SPSB2: variants seen among roughly 807,000 people sequenced by gnomAD.
SPSB2 encodes the protein SPRY domain-containing SOCS box protein 2.
A neutral mutation model predicts 19.2 loss-of-function variants in SPSB2; 25 were observed. The observed-to-expected ratio is 1.30, with a 90% CI of 0.95 to 1.82. The LOEUF is 1.82. SPSB2 is among the 40% of genes most tolerant of loss of function. The pLI, the probability that SPSB2 is intolerant of heterozygous loss-of-function variation, is 0.00. For missense variants in SPSB2, 413 were observed against 344.9 expected, an observed-to-expected ratio of 1.20 and a Z score of -1.56; for synonymous variants, 153 against 154.9, an observed-to-expected ratio of 0.99 and a Z score of 0.09.
At position 6,871,060 on chromosome 12, in the gene SPSB2, C is replaced by A; in HGVS notation, c.*132G>T. 8.3e-7 allele frequency: 1 copy of A among 1,201,468 alleles called. No individual in the cohort carries two copies. Among genetic ancestry groups the A allele is most frequent in the South Asian group, 1.4e-5 (1 of 71,704 alleles). 74.4% of individuals were successfully genotyped at this position (1,201,468 alleles called of 1,614,324 possible). On this transcript the variant is annotated 3_prime_UTR_variant, in exon 3 of 3. Transcript: ENST00000524270. ...GTGGCTCTGGGGCTGTTGATTTCCG[C>A]AGAGCTTGGGTTGGGGTAGGGGCTC...
Position 6,872,281 on chromosome 12 carries a change from C to T in SPSB2, c.621G>A (p.Trp207Ter). 1 of 1,614,178 alleles carries T rather than the reference C, an allele frequency of 6.2e-7. No homozygotes were observed. Among genetic ancestry groups the T allele is most frequent in the Non-Finnish European group, 8.5e-7 (1 of 1,180,030 alleles). ...AGCGGATGCGGACCTGGCACTGGCCCCAGACAGCGCTTACTGCCGGATAGA... is the reference window on the plus strand; with the variant it reads ...AGCGGATGCGGACCTGGCACTGGCCTCAGACAGCGCTTACTGCCGGATAGA... ...RTLYPAVSAV[W>*]GQCQVRIRYL... The change falls in exon 2 of 3, where the codon TGG becomes TGA. Residue 207 changes from tryptophan (W) to a stop codon, truncating the protein, a stop_gained. Coordinates refer to ENST00000524270, the MANE Select transcript of SPSB2 (RefSeq NM_032641.4). LOFTEE classifies it high-confidence loss of function.
In SPSB2 at chr12:6,872,851, C is replaced by G. The variant is rs1944627605; in HGVS notation, c.51G>C (p.Gln17His). ...GACAGGAGAGGTCAGGGTACAGGGC[C>G]TGTGGCGTGGGGGTGCTGCTGCTGC... ...AGGSSSTPTP[Q>H]ALYPDLSCPE... is the part of the protein sequence containing the mutation. The change falls in exon 2 of 3, where the codon CAG becomes CAC. Residue 17 changes from glutamine to histidine, a missense_variant. Gln to His is a conservative substitution (Grantham distance 24). Transcript: ENST00000524270. The G allele has an allele frequency of 6.2e-7, 1 of 1,603,038 alleles. No homozygotes were observed. The highest frequency in any genetic ancestry group is 8.5e-7 in the Non-Finnish European group (1 of 1,173,176).
Position 6,872,825 on chromosome 12 carries a change from G to T in SPSB2, c.77C>A (p.Pro26His). ...AGACAGCAGCTCTTCCAAGCCCTCG[G>T]GACAGGAGAGGTCAGGGTACAGGGC... ...PQALYPDLSC[P>H]EGLEELLSAP... Residue 26 changes from proline (P) to histidine (H), a missense_variant, in exon 2 of 3, where the codon CCC becomes CAC. Transcript: ENST00000524270. 1.2e-6 allele frequency: 2 copies of T among 1,611,672 alleles called. No individual in the cohort carries two copies. Among genetic ancestry groups the T allele is most frequent in the Non-Finnish European group, 1.7e-6 (2 of 1,180,006 alleles).
chr12:6,872,168 G>T lies in SPSB2; in HGVS notation c.664+70C>A. 8 of 1,613,380 alleles carry T rather than the reference G, an allele frequency of 5.0e-6. 1 individual carries two copies. Among genetic ancestry groups the T allele is most frequent in the South Asian group, 1.1e-5 (1 of 91,080 alleles). ...AGGTCCATCCCCTCTGCTCTTGTCA[G>T]AAGAGTTTCCATCCCAAACCACTGC... is the stretch of plus-strand genomic sequence containing the variant. On this transcript the variant is annotated intron_variant, in intron 2 of 2. Coordinates refer to ENST00000524270, the MANE Select transcript of SPSB2 (RefSeq NM_032641.4).
At chr12:6,871,385 G>A (rs1368481476) in intron 2 of SPSB2, 66 bp from the exon 3 acceptor site, 26 of 1,548,988 alleles carry the variant, frequency 1.7e-5, no homozygotes, top group South Asian at 2.4e-5. Flanking sequence ...CTCAAACTAC[G>A]GGGTCCTACT....
chr12:6,871,624 A>G lies in SPSB2; in HGVS notation c.665-305T>C. 3 of 467,444 alleles carry G rather than the reference A, an allele frequency of 6.4e-6. 1 individual carries two copies. The South Asian group carries it at 7.6e-5, about 12-fold the overall frequency. The allele number at this position is 467,444 out of a possible 1,614,324, so 29.0% of individuals were successfully genotyped here. On this transcript the variant is annotated intron_variant, in intron 2 of 2. Coordinates refer to ENST00000524270, the MANE Select transcript of SPSB2 (RefSeq NM_032641.4). The stretch of plus-strand genomic sequence containing the variant: ...CTTGGGAGCTGGGGCTGAGGTGAGG[A>G]GGGATGGCCCTCCACTCTACAGCCC...
intron 2 of SPSB2, 25 bp from the exon 3 acceptor site, chr12:6,871,344 T>TAAGTATGGGTGCAGCCACCAGCC: frequency 6.2e-7 from 1 of 1,604,316 alleles, no homozygotes; most frequent in Non-Finnish European, 8.5e-7. Flanking sequence ...GAGGGGAATG[T>TAAGTATGGGTGCAGCCACCAGCC]AAGTATGGGT....
chr12:6,871,697 G>C, intron 2 of SPSB2: 1 of 341,546 alleles, frequency 2.9e-6, no homozygotes, highest in Non-Finnish European at 5.4e-6. Context: ...GTCAGTTCCT[G>C]GGGAGGCTCC....
intron 2 of SPSB2, chr12:6,871,990 C>T: frequency 2.1e-6 from 3 of 1,454,122 alleles, no homozygotes; most frequent in Admixed American, 2.8e-5. Context: ...TCCCTCCATT[C>T]TGAAGGTTCA....
In SPSB2 at chr12:6,872,801, GA is replaced by G. The variant is rs1944626358; in HGVS notation, c.100del (p.Ser34LeufsTer64). The G allele has an allele frequency of 1.5e-5, 24 of 1,612,062 alleles. No homozygotes were observed. In the South Asian group the frequency reaches 1.6e-4, roughly 11 times the overall value. Reference sequence around the variant, plus strand: ...GGCCCCCAGGTCAGGAGGGGGTGCAGACAGCAGCTCTTCCAAGCCCTCGGGA... The same window carrying G: ...GGCCCCCAGGTCAGGAGGGGGTGCAGCAGCAGCTCTTCCAAGCCCTCGGGA... ...SCPEGLEELL[S>X]APPPDLGAQR... On this transcript the variant is annotated frameshift_variant, in exon 2 of 3. Transcript: ENST00000524270. LOFTEE classifies it high-confidence loss of function.
rs782075236 is a variant in SPSB2, at chr12:6,871,207, G to T, written c.777C>A (p.Tyr259Ter). ...ALPLPPAMKRYLLYQ is the reference protein window; with the variant it reads ...ALPLPPAMKR ...ATCACAGGGCTCACTGGTAGAGCAG[G>T]TAGCGCTTCATGGCAGGGGGCAAGG... Residue 259 changes from tyrosine to a stop codon, truncating the protein, a stop_gained, in exon 3 of 3, where the codon TAC becomes TAA. Coordinates refer to ENST00000524270, the MANE Select transcript of SPSB2 (RefSeq NM_032641.4). LOFTEE classifies it high-confidence loss of function. The T allele has an allele frequency of 2.6e-5, 41 of 1,605,098 alleles. No homozygotes were observed. Among genetic ancestry groups the T allele is most frequent in the Non-Finnish European group, 3.3e-5 (39 of 1,175,888 alleles).
chr12:6,873,299 G>A lies in SPSB2; in HGVS notation c.-150C>T, dbSNP rs564087775. 22 of 174,590 alleles carry A rather than the reference G, an allele frequency of 1.3e-4. No individual in the cohort carries two copies. In the South Asian group the frequency reaches 3.6e-3, roughly 29 times the overall value. The allele number at this position is 174,590 out of a possible 1,614,324, so 10.8% of individuals were successfully genotyped here. ...GCCGGGCCTCTGAAGGAGCCGGGCG[G>A]AAAGAAGCCGAGGCGCGCAGGGCGC... On this transcript the variant is annotated 5_prime_UTR_variant, in exon 1 of 3. Coordinates refer to ENST00000524270, the MANE Select transcript of SPSB2 (RefSeq NM_032641.4).
chr12:6,871,011 G>A lies in SPSB2; in HGVS notation c.*181C>T, dbSNP rs1010366451. The A allele has an allele frequency of 6.9e-6, 5 of 727,720 alleles. No individual in the cohort carries two copies. Among genetic ancestry groups the A allele is most frequent in the South Asian group, 3.3e-5 (2 of 61,338 alleles). 45.1% of individuals were successfully genotyped at this position (727,720 alleles called of 1,614,324 possible). ...GCAGACTGTCATAGCCTTGAACGCCGGCTCCCTTTCTTCCTCCCTCCAAGT... is the reference window on the plus strand; with the variant it reads ...GCAGACTGTCATAGCCTTGAACGCCAGCTCCCTTTCTTCCTCCCTCCAAGT... On this transcript the variant is annotated 3_prime_UTR_variant, in exon 3 of 3. Coordinates refer to ENST00000524270, the MANE Select transcript of SPSB2 (RefSeq NM_032641.4).
chr12:6,872,858 G>C lies in SPSB2; in HGVS notation c.44C>G (p.Thr15Arg). Residue 15 changes from threonine (T) to arginine (R), a missense_variant, in exon 2 of 3, where the codon ACG (threonine) becomes AGG (arginine). Thr to Arg is a moderately conservative substitution (Grantham distance 71). Transcript: ENST00000524270. ...GAGGTCAGGGTACAGGGCCTGTGGC[G>C]TGGGGGTGCTGCTGCTGCCCCCTGC... ...ALAGGSSSTP[T>R]PQALYPDLSC... 6.3e-7 allele frequency: 1 copy of C among 1,598,224 alleles called. No individual in the cohort carries two copies. Among genetic ancestry groups the C allele is most frequent in the Non-Finnish European group, 8.5e-7 (1 of 1,169,726 alleles).
intron 2 of SPSB2, chr12:6,871,718 C>A: frequency 2.9e-6 from 1 of 339,974 alleles, no homozygotes; most frequent in South Asian, 4.2e-5. Context: ...TCCCCTGCTG[C>A]CCCACCCTAA....
rs1441980308 is a variant in SPSB2, at chr12:6,870,938, C to CTATAACAACATCTCTTACTATTT, written c.*231_*253dup. On this transcript the variant is annotated 3_prime_UTR_variant, in exon 3 of 3. Coordinates refer to ENST00000524270, the MANE Select transcript of SPSB2 (RefSeq NM_032641.4). ...AAAAAAAAAAAACAAGAACAGGTTT[C>CTATAACAACATCTCTTACTATTT]TATAACAACATCTCTTACTATTTTT... 35 of 656,796 alleles carry CTATAACAACATCTCTTACTATTT rather than the reference C, an allele frequency of 5.3e-5. No individual in the cohort carries two copies. The highest frequency in any genetic ancestry group is 4.0e-4 in the Middle Eastern group (1 of 2,524). 40.7% of individuals were successfully genotyped at this position (656,796 alleles called of 1,614,324 possible).
intron 1 of SPSB2, 35 bp from the exon 2 acceptor site, chr12:6,873,032 G>C: frequency 1.6e-6 from 1 of 644,942 alleles, no homozygotes; most frequent in Non-Finnish European, 2.6e-6. Flanking sequence ...CAGAATCCTG[G>C]CGGGGGCTCG....
At chr12:6,871,457 T>G in intron 2 of SPSB2, 138 bp from the exon 3 acceptor site, 1 of 920,076 alleles carries the variant, frequency 1.1e-6, no homozygotes, top group Non-Finnish European at 1.6e-6. Flanking sequence ...GAATTTGAGA[T>G]ACCCGGAAGT....
chr12:6,871,264 C>T lies in SPSB2; in HGVS notation c.720G>A (p.Gly240=), dbSNP rs1944587396. The T allele has an allele frequency of 6.2e-7, 1 of 1,613,830 alleles. No individual in the cohort carries two copies. The change falls in exon 3 of 3, where the codon GGG becomes GGA. Residue 240 remains glycine, a synonymous_variant. Coordinates refer to ENST00000524270, the MANE Select transcript of SPSB2 (RefSeq NM_032641.4). ...LSRLCVRHNL[G]DTRLGQVSAL... ...CAGACACCTGGCCGAGCCGGGTATC[C>T]CCCAGGTTGTGGCGCACACACAGGC...
Sources: allele counts gnomAD v4.1 joint callset, GRCh38; gene constraint gnomAD v4.1.1; transcripts MANE v1.5; gene names NCBI Gene and HGNC (gene_info 2026-07-23, HGNC 2026-07-21).